Variants in SORCS3 observed in about 807,000 individuals in gnomAD.
The protein encoded by SORCS3 is sortilin related VPS10 domain containing receptor 3.
SORCS3 carries 57 observed loss-of-function variants against 146.3 expected under a neutral mutation model. The ratio of observed to expected loss-of-function variants is 0.39; its 90% CI spans 0.31 to 0.49. The LOEUF (loss-of-function observed/expected upper bound fraction) is 0.49, where lower values mean the gene tolerates loss of function less well. SORCS3 is among the 20% of genes least tolerant of loss of function. The pLI is 0.92. For synonymous variants in SORCS3, 653 were observed against 618.5 expected (o/e 1.06, Z -0.83); for missense variants, 1,341 against 1,575.5 (o/e 0.85, Z 2.52).
chr10:105,031,455 A>G (rs898196254), intron 4 of SORCS3, among the ~76,000 whole-genome samples: 1 of 152,132 alleles, frequency 6.6e-6, no homozygotes, highest in Non-Finnish European at 1.5e-5. Flanking sequence ...CTTTTGGATG[A>G]AGAATCAAAA....
chr10:104,686,740 C>T (rs2016048314), intron 1 of SORCS3, among the ~76,000 whole-genome samples: 1 of 152,102 alleles, frequency 6.6e-6, no homozygotes, highest in African/African-American at 2.4e-5. Context: ...GGAAAAGATC[C>T]AGGATCCTGG....
At chr10:104,811,186 C>T (rs2017736765) in intron 1 of SORCS3, among the ~76,000 whole-genome samples, 1 of 152,192 alleles carries the variant, frequency 6.6e-6, no homozygotes, top group South Asian at 2.1e-4. Context: ...AGATATTTTA[C>T]ACATTCATTC....
chr10:104,842,847 G>A lies in SORCS3; in HGVS notation c.683G>A (p.Ser228Asn), dbSNP rs1218629335. The change falls in exon 2 of 27, where the codon AGT becomes AAT. Residue 228 changes from serine to asparagine, a missense_variant. Transcript: ENST00000369701. ...YDFNLGSVTE[S>N]SLWRSTDYGT... is the part of the protein sequence containing the mutation. ...TTCAACCTGGGCAGCGTGACTGAGAGTTCACTATGGAGGTAAGCAGATTAG... is the reference window on the plus strand; with the variant it reads ...TTCAACCTGGGCAGCGTGACTGAGAATTCACTATGGAGGTAAGCAGATTAG... The A allele has an allele frequency of 6.2e-7, 1 of 1,613,854 alleles. No individual in the cohort carries two copies. Among genetic ancestry groups the A allele is most frequent in the Non-Finnish European group, 8.5e-7 (1 of 1,179,782 alleles).
intron 1 of SORCS3, among the ~76,000 whole-genome samples, chr10:104,737,917 T>G (rs533970330): frequency 1.7e-4 from 26 of 150,554 alleles, no homozygotes; most frequent in Admixed American, 3.3e-4. Flanking sequence ...AGGTCTAACG[T>G]TTAAGTCTTT....
intron 1 of SORCS3, among the ~76,000 whole-genome samples, chr10:104,730,007 T>G (rs1412036380): frequency 6.6e-6 from 1 of 152,232 alleles, no homozygotes. Context: ...TTATGAGCAT[T>G]GCTTAGAAAA....
intron 5 of SORCS3, among the ~76,000 whole-genome samples, chr10:105,074,531 G>A (rs770949128): frequency 1.3e-5 from 2 of 152,206 alleles, no homozygotes; most frequent in Non-Finnish European, 2.9e-5. Flanking sequence ...CACACACAGA[G>A]CATTATGTTG....
intron 4 of SORCS3, among the ~76,000 whole-genome samples, chr10:105,039,940 T>C (rs2055329113): frequency 6.6e-6 from 1 of 152,170 alleles, no homozygotes; most frequent in South Asian, 2.1e-4. Flanking sequence ...TTCAAGTGTT[T>C]GCAGCAGAGG....
chr10:105,060,146 A>AG (rs112719154), intron 5 of SORCS3, among the ~76,000 whole-genome samples: 9 of 152,108 alleles, frequency 5.9e-5, no homozygotes, highest in African/African-American at 2.2e-4. Flanking sequence ...TTGGAATTTG[A>AG]GGGGGGTTTG....
intron 1 of SORCS3, among the ~76,000 whole-genome samples, chr10:104,765,608 A>G (rs866999529): frequency 6.6e-6 from 1 of 152,210 alleles, no homozygotes; most frequent in South Asian, 2.1e-4. Flanking sequence ...CATAGAGTGG[A>G]CGTTGTGACT....
intron 2 of SORCS3, among the ~76,000 whole-genome samples, chr10:104,882,166 A>C (rs1276706391): frequency 6.6e-6 from 1 of 152,150 alleles, no homozygotes; most frequent in Admixed American, 6.6e-5. Context: ...TTTCACAACA[A>C]ATTGTGGGTA....
At chr10:105,165,421 G>A (rs1445870135) in intron 12 of SORCS3, among the ~76,000 whole-genome samples, 1 of 152,136 alleles carries the variant, frequency 6.6e-6, no homozygotes, top group Non-Finnish European at 1.5e-5. Flanking sequence ...TGTTAGACAA[G>A]TTCCTGTTTG....
intron 1 of SORCS3, among the ~76,000 whole-genome samples, chr10:104,758,082 A>G (rs1481096487): frequency 6.6e-6 from 1 of 152,180 alleles, no homozygotes; most frequent in Non-Finnish European, 1.5e-5. Context: ...CTCCACACTG[A>G]GGAATGAAGT....
chr10:105,069,016 T>C (rs2055539813), intron 5 of SORCS3, among the ~76,000 whole-genome samples: 1 of 152,236 alleles, frequency 6.6e-6, no homozygotes, highest in South Asian at 2.1e-4. Context: ...GCATCTACCA[T>C]AGATCGTTTT....
chr10:105,210,139 G>GT (rs1412845762), intron 16 of SORCS3, among the ~76,000 whole-genome samples: 8 of 152,078 alleles, frequency 5.3e-5, no homozygotes, highest in African/African-American at 1.7e-4. Context: ...ATTTGCCTCT[G>GT]TTTTCATTGG....
chr10:104,681,033 C>T (rs1447383445), intron 1 of SORCS3, among the ~76,000 whole-genome samples: 3 of 152,256 alleles, frequency 2.0e-5, no homozygotes, highest in African/African-American at 2.4e-5. Flanking sequence ...AGAGCTCCGC[C>T]TCGGTTCCCC....
At chr10:105,167,425 G>T in intron 13 of SORCS3, 76 bp downstream of exon 13, 1 of 1,073,922 alleles carries the variant, frequency 9.3e-7, no homozygotes, top group East Asian at 2.4e-5. Context: ...GAGTTATTCT[G>T]CATGGTTTTG....
intron 20 of SORCS3, among the ~76,000 whole-genome samples, chr10:105,223,765 G>C (rs1038863167): frequency 4.6e-5 from 7 of 152,208 alleles, no homozygotes; most frequent in Admixed American, 2.6e-4. Flanking sequence ...AGGAACAAAA[G>C]AGGCCAAACT....
intron 1 of SORCS3, among the ~76,000 whole-genome samples, chr10:104,745,188 A>C (rs1334569769): frequency 6.6e-6 from 1 of 152,088 alleles, no homozygotes; most frequent in Non-Finnish European, 1.5e-5. Context: ...AGATTTTACC[A>C]AAAAAACTGA....
At chr10:104,827,914 C>T (rs973974725) in intron 1 of SORCS3, among the ~76,000 whole-genome samples, 3 of 152,230 alleles carry the variant, frequency 2.0e-5, no homozygotes, top group Non-Finnish European at 4.4e-5. Context: ...CATGAACCAA[C>T]CTCTGCTAGC....
Sources: allele counts gnomAD v4.1 joint callset (sites outside exome capture counted in the v4.1 genomes callset), GRCh38; gene constraint gnomAD v4.1.1; transcripts MANE v1.5; gene names NCBI Gene and HGNC (gene_info 2026-07-23, HGNC 2026-07-21).